The following JUP variants were observed in gnomAD, a reference collection of about 807,000 sequenced individuals.
JUP encodes catenin (cadherin-associated protein), gamma 80kDa.
In JUP, 28 loss-of-function variants were observed where a neutral mutation model predicts 71.1. That is an observed-to-expected ratio of 0.39 (90% CI 0.29 to 0.54). JUP has a LOEUF of 0.54. Among genes scored for constraint, JUP ranks in the 20% least tolerant of loss-of-function variants. The pLI is 0.62. For synonymous variants in JUP, 401 were observed against 438.9 expected (o/e 0.91, Z 1.08); for missense variants, 869 against 1,030.1 (o/e 0.84, Z 2.14).
intron 1 of JUP, among the ~76,000 whole-genome samples, chr17:41,783,893 CAAAAAAAAAAAAA>C (rs35672991): frequency 2.1e-4 from 17 of 82,012 alleles, no homozygotes; most frequent in Admixed American, 2.0e-3. Context: ...GACTCCATCT[CAAAAAAAAAAAAA>C]AAAAAAAAAA....
In JUP at chr17:41,773,271, C is replaced by A. The variant is rs562934352; in HGVS notation, c.-8-1409G>T. On this transcript the variant is annotated intron_variant, in intron 1 of 13. Transcript: ENST00000393931. Reference sequence around the variant, plus strand: ...GCCCCACCCCAGGAACAAAGATCACCAAGGATAAGTCTTCCCTGTGACTGC... The same window carrying A: ...GCCCCACCCCAGGAACAAAGATCACAAAGGATAAGTCTTCCCTGTGACTGC... Among the ~76,000 whole-genome samples the A allele has an allele frequency of 1.1e-4, 17 of 152,324 alleles. No individual in the cohort carries two copies. The South Asian group carries it at 2.7e-3, about 24-fold the overall frequency.
intron 4 of JUP, among the ~76,000 whole-genome samples, chr17:41,767,914 C>T (rs1352750936): frequency 2.0e-5 from 3 of 152,180 alleles, no homozygotes; most frequent in African/African-American, 4.8e-5. Context: ...GCAAGGCGTT[C>T]AGAGGGGAGT....
chr17:41,776,552 C>T (rs1463725526), intron 1 of JUP, among the ~76,000 whole-genome samples: 1 of 152,036 alleles, frequency 6.6e-6, no homozygotes, highest in Non-Finnish European at 1.5e-5. Context: ...CCTGTCTCTA[C>T]AAAAAATAAA....
intron 1 of JUP, among the ~76,000 whole-genome samples, chr17:41,779,562 T>C (rs1345285164): frequency 6.6e-6 from 1 of 152,058 alleles, no homozygotes; most frequent in Non-Finnish European, 1.5e-5. Flanking sequence ...TCTCCTGACC[T>C]CGTGATGCGC....
intron 1 of JUP, among the ~76,000 whole-genome samples, chr17:41,784,250 C>T (rs59527388): frequency 7.4e-5 from 11 of 149,360 alleles, no homozygotes; most frequent in African/African-American, 2.7e-4. Flanking sequence ...CTCAAAGCCT[C>T]GGCCCTGGCA....
chr17:41,763,059 T>C lies in JUP; in HGVS notation c.1421A>G (p.Asn474Ser). The C allele has an allele frequency of 1.2e-6, 2 of 1,614,022 alleles. No individual in the cohort carries two copies. Among genetic ancestry groups the C allele is most frequent in the Non-Finnish European group, 1.7e-6 (2 of 1,179,922 alleles). ...GATGCCATAGTTGAGACGCACAGAG[T>C]TCTGGGCCATCTCGGCCTCAGGGTG... ...SRHPEAEMAQNSVRLNYGIPA... is the reference protein window; with the variant it reads ...SRHPEAEMAQSSVRLNYGIPA... Residue 474 changes from asparagine to serine, a missense_variant, in exon 8 of 14, where the codon AAC becomes AGC. By Grantham distance (46) the Asn-to-Ser change is conservative. Coordinates refer to ENST00000393931, the MANE Select transcript of JUP (RefSeq NM_002230.4).
At chr17:41,769,370 C>T in intron 3 of JUP, 48 bp downstream of exon 3, 3 of 1,586,778 alleles carry the variant, frequency 1.9e-6, no homozygotes, top group South Asian at 1.1e-5. Flanking sequence ...GACATCTGCT[C>T]TCTCCCCTCC....
intron 1 of JUP, chr17:41,773,078 G>C (rs1916912376): frequency 5.9e-6 from 5 of 842,262 alleles, no homozygotes; most frequent in Non-Finnish European, 7.2e-6. Context: ...GGCAGAGCTG[G>C]GACTGGGACC....
At chr17:41,772,541 A>G (rs970553119) in intron 1 of JUP, among the ~76,000 whole-genome samples, 2 of 151,822 alleles carry the variant, frequency 1.3e-5, no homozygotes, top group Admixed American at 1.3e-4. Context: ...AATCTCAGCT[A>G]CTCACTACTG....
chr17:41,765,910 G>C (rs936835342), intron 5 of JUP, among the ~76,000 whole-genome samples: 3 of 152,146 alleles, frequency 2.0e-5, no homozygotes, highest in African/African-American at 7.2e-5. Flanking sequence ...TGGAATAGGA[G>C]CAATCTAAAT....
chr17:41,756,309 A>AGGGGGCCAGGCT, intron 12 of JUP, 95 bp from the exon 13 acceptor site: 1 of 1,289,806 alleles, frequency 7.8e-7, no homozygotes, highest in Middle Eastern at 2.2e-4. Flanking sequence ...CTTCTAAAAG[A>AGGGGGCCAGGCT]GGGGGCCAGG....
At chr17:41,772,189 G>A (rs1303858994) in intron 1 of JUP, 14 of 432,636 alleles carry the variant, frequency 3.2e-5, no homozygotes, top group South Asian at 4.1e-5. Context: ...CCCTGCTCAC[G>A]CACCTTGCTG....
chr17:41,762,502 G>A (rs4456550), intron 8 of JUP, among the ~76,000 whole-genome samples: 29,789 of 151,826 alleles, frequency 0.2, 3,117 homozygotes, highest in Middle Eastern at 0.27. Flanking sequence ...GCGATCCTCC[G>A]ACCTGAGCCT....
At chr17:41,783,399 C>T (rs891236979) in intron 1 of JUP, among the ~76,000 whole-genome samples, 10 of 151,352 alleles carry the variant, frequency 6.6e-5, no homozygotes, top group Non-Finnish European at 1.3e-4. Flanking sequence ...GTAATCCTCC[C>T]ACCTCAACAT....
intron 8 of JUP, among the ~76,000 whole-genome samples, chr17:41,762,170 AGAGAGAGTGTGTGT>A (rs1487095485): frequency 7.1e-4 from 32 of 45,312 alleles, no homozygotes; most frequent in South Asian, 1.9e-3. Flanking sequence ...AGAGAGAGAG[AGAGAGAGTGTGTGT>A]GTGTGTGTGT....
chr17:41,755,977 C>T, intron 13 of JUP, 82 bp from the exon 14 acceptor site: 1 of 1,526,214 alleles, frequency 6.6e-7, no homozygotes, highest in Non-Finnish European at 8.9e-7. Context: ...CAGCTGCCTC[C>T]TCTACCCATG....
chr17:41,769,750 A>C (rs1408723412), intron 2 of JUP, 73 bp from the exon 3 acceptor site: 1 of 1,529,884 alleles, frequency 6.5e-7, no homozygotes, highest in African/African-American at 1.4e-5. Context: ...GGCAGGCCAC[A>C]GACAGCCCCA....
rs782124059 is a variant in JUP at position 41,757,485 on chromosome 17, T to C, written c.1976A>G (p.Asp659Gly). The C allele has an allele frequency of 4.3e-6, 7 of 1,614,180 alleles. No homozygotes were observed. Among genetic ancestry groups the C allele is most frequent in the Non-Finnish European group, 5.9e-6 (7 of 1,180,040 alleles). ...LFRISEDKNPDYRKRVSVELT... is the reference protein window; with the variant it reads ...LFRISEDKNPGYRKRVSVELT... ...CTCCACGGACACGCGCTTCCGGTAG[T>C]CTGGGTTCTTGTCCTCGGAGATGCG... The change falls in exon 12 of 14, where the codon GAC (aspartate) becomes GGC (glycine). Residue 659 changes from aspartate to glycine, a missense_variant. Physicochemically the swap from Asp to Gly is moderately conservative, Grantham distance 94 (BLOSUM62 -1). Transcript: ENST00000393931.
At position 41,755,854 on chromosome 17, in the gene JUP, G is replaced by A. The variant is rs782693565; in HGVS notation, c.2128C>T (p.Pro710Ser). Residue 710 changes from proline to serine, a missense_variant, in exon 14 of 14, where the codon CCC (proline) becomes TCC (serine). Pro to Ser is a moderately conservative substitution (Grantham distance 74). Transcript: ENST00000393931. ...TYRPMYSSDV[P>S]LDPLEMHMDM... The stretch of plus-strand genomic sequence containing the variant: ...ATGTGCATCTCCAGCGGGTCAAGGG[G>A]CACATCGCTGGAGTACATGGGGCGG... The A allele has an allele frequency of 6.6e-5, 106 of 1,613,004 alleles. No homozygotes were observed. The highest frequency in any genetic ancestry group is 8.6e-5 in the Non-Finnish European group (101 of 1,179,646).
Sources: allele counts gnomAD v4.1 joint callset (sites outside exome capture counted in the v4.1 genomes callset), GRCh38; gene constraint gnomAD v4.1.1; transcripts MANE v1.5; gene names NCBI Gene and HGNC (gene_info 2026-07-23, HGNC 2026-07-21).